The following CIMIP6 variants were observed in gnomAD, a reference collection of about 807,000 sequenced individuals.
The protein encoded by CIMIP6 is uncharacterized protein C2orf73.
the CIMIP6 span, among the ~76,000 whole-genome samples, chr2:54,365,492 T>C: frequency 1.3e-5 from 2 of 152,110 alleles, no homozygotes. Flanking sequence ...ATAGAACAGA[T>C]AGACTATATA....
the CIMIP6 span, among the ~76,000 whole-genome samples, chr2:54,379,248 C>T: frequency 2.0e-5 from 3 of 152,198 alleles, no homozygotes; most frequent in African/African-American, 7.2e-5. Context: ...AGTGACCTGG[C>T]TGCCCCTAAC....
chr2:54,378,274 TACCAACGCAG>T, the CIMIP6 span, among the ~76,000 whole-genome samples: 3 of 152,216 alleles, frequency 2.0e-5, no homozygotes, highest in African/African-American at 7.2e-5. Flanking sequence ...TCCCCTGGGT[TACCAACGCAG>T]GATAACCAGT....
the CIMIP6 span, among the ~76,000 whole-genome samples, chr2:54,356,782 T>C: frequency 5.3e-5 from 8 of 152,314 alleles, no homozygotes; most frequent in African/African-American, 9.6e-5. Context: ...GTCACACAAC[T>C]AGGAAATGTG....
chr2:54,343,946 T>C, the CIMIP6 span: 1 of 1,279,934 alleles, frequency 7.8e-7, no homozygotes, highest in Non-Finnish European at 1.0e-6. Context: ...ATGTATTAGA[T>C]GTCCGGACAG....
chr2:54,364,619 G>T, the CIMIP6 span, among the ~76,000 whole-genome samples: 1 of 152,186 alleles, frequency 6.6e-6, no homozygotes, highest in Non-Finnish European at 1.5e-5. Flanking sequence ...CTCAATAACC[G>T]GTCCATTAAT....
the CIMIP6 span, among the ~76,000 whole-genome samples, chr2:54,350,140 G>T: frequency 6.6e-6 from 1 of 152,206 alleles, no homozygotes; most frequent in Non-Finnish European, 1.5e-5. Context: ...ACAGGCGTGA[G>T]CCACCATACC....
the CIMIP6 span, among the ~76,000 whole-genome samples, chr2:54,380,737 G>A: frequency 3.3e-5 from 5 of 152,092 alleles, no homozygotes; most frequent in African/African-American, 9.7e-5. Flanking sequence ...ATGTGTGCAC[G>A]CACACACATG....
At chr2:54,356,560 C>T in the CIMIP6 span, among the ~76,000 whole-genome samples, 2 of 152,124 alleles carry the variant, frequency 1.3e-5, no homozygotes, top group Admixed American at 6.5e-5. Context: ...CCGGTTCCTG[C>T]TTCCTTTTCC....
the CIMIP6 span, among the ~76,000 whole-genome samples, chr2:54,342,772 T>C: frequency 6.6e-6 from 1 of 152,200 alleles, no homozygotes; most frequent in Non-Finnish European, 1.5e-5. Flanking sequence ...AAGGCAGACT[T>C]GCTTCCTTAT....
At chr2:54,374,997 A>C in the CIMIP6 span, among the ~76,000 whole-genome samples, 1 of 152,204 alleles carries the variant, frequency 6.6e-6, no homozygotes, top group South Asian at 2.1e-4. Flanking sequence ...AGTATTAATA[A>C]ATGCTGGGTA....
At chr2:54,340,562 T>A in the CIMIP6 span, among the ~76,000 whole-genome samples, 1 of 152,220 alleles carries the variant, frequency 6.6e-6, no homozygotes, top group Non-Finnish European at 1.5e-5. Context: ...CAACCTTTTT[T>A]TTTGGACTGT....
chr2:54,375,623 A>T, the CIMIP6 span, among the ~76,000 whole-genome samples: 3 of 152,352 alleles, frequency 2.0e-5, no homozygotes, highest in East Asian at 5.8e-4. Context: ...CTACAGAAAT[A>T]ACTATACAAG....
At chr2:54,335,273 C>T in the CIMIP6 span, among the ~76,000 whole-genome samples, 1 of 152,076 alleles carries the variant, frequency 6.6e-6, no homozygotes, top group South Asian at 2.1e-4. Context: ...CAAAGTAGTG[C>T]TTTGGGGTTA....
At chr2:54,376,746 G>A in the CIMIP6 span, among the ~76,000 whole-genome samples, 1 of 152,180 alleles carries the variant, frequency 6.6e-6, no homozygotes, top group Non-Finnish European at 1.5e-5. Flanking sequence ...TGTGAATGGT[G>A]TTCACACACC....
the CIMIP6 span, among the ~76,000 whole-genome samples, chr2:54,378,978 T>A: frequency 6.6e-6 from 1 of 152,216 alleles, no homozygotes; most frequent in African/African-American, 2.4e-5. Context: ...GTAAACCTCA[T>A]GTGACAGGCA....
the CIMIP6 span, among the ~76,000 whole-genome samples, chr2:54,345,940 G>T: frequency 4.6e-5 from 7 of 152,172 alleles, no homozygotes; most frequent in African/African-American, 7.2e-5. Context: ...CAGCACTGAT[G>T]CAAGAGTACA....
At chr2:54,354,059 T>C in the CIMIP6 span, among the ~76,000 whole-genome samples, 1 of 152,182 alleles carries the variant, frequency 6.6e-6, no homozygotes, top group Non-Finnish European at 1.5e-5. Flanking sequence ...AATTCCACTT[T>C]CCAGCATAGA....
the CIMIP6 span, among the ~76,000 whole-genome samples, chr2:54,341,914 G>A: frequency 1.3e-5 from 2 of 152,188 alleles, no homozygotes; most frequent in Non-Finnish European, 2.9e-5. Context: ...CAGCCAGATA[G>A]TGAGAAGACA....
At chr2:54,349,939 T>A in the CIMIP6 span, among the ~76,000 whole-genome samples, 4 of 151,766 alleles carry the variant, frequency 2.6e-5, no homozygotes, top group African/African-American at 9.7e-5. Context: ...AACCTCTGTC[T>A]CCCGGGCTCA....
Sources: gnomAD v4.1 joint callset for allele counts (sites outside exome capture counted in the v4.1 genomes callset) on GRCh38, gnomAD v4.1.1 for gene constraint, MANE v1.5 for transcripts, NCBI Gene and HGNC (gene_info 2026-07-23, HGNC 2026-07-21) for gene names.